The following ZNF684 variants were observed in gnomAD, a reference collection of about 807,000 sequenced individuals.
ZNF684 encodes zinc finger protein 684.
Under a neutral mutation model 12.8 loss-of-function variants are expected in ZNF684, and 13 were observed. That is an observed-to-expected ratio of 1.02 (90% CI 0.66 to 1.62). ZNF684 has a LOEUF of 1.62. Among genes scored for constraint, ZNF684 ranks in the 40% most tolerant of loss-of-function variants. The pLI, the probability that ZNF684 is intolerant of heterozygous loss-of-function variation, is 0.00. For synonymous variants in ZNF684, 118 were observed against 151.8 expected (o/e 0.78, Z 1.64); for missense variants, 384 against 446.9 (o/e 0.86, Z 1.27).
chr1:40,544,198 A>G (rs1646031569), intron 4 of ZNF684, among the ~76,000 whole-genome samples: 1 of 152,056 alleles, frequency 6.6e-6, no homozygotes, highest in Admixed American at 6.6e-5. Flanking sequence ...CAAGGCTTTT[A>G]AAAATGTTAC....
chr1:40,545,264 A>T (rs1411250743), intron 4 of ZNF684, among the ~76,000 whole-genome samples: 1 of 152,166 alleles, frequency 6.6e-6, no homozygotes, highest in Admixed American at 6.5e-5. Flanking sequence ...GGAGTATTGT[A>T]CTAACACTCC....
In ZNF684 at chr1:40,546,915, A is replaced by G. The variant is rs754282117; in HGVS notation, c.592A>G (p.Arg198Gly). 1.7e-5 allele frequency: 28 copies of G among 1,614,080 alleles called. No individual in the cohort carries two copies. The highest frequency in any genetic ancestry group is 2.2e-5 in the Non-Finnish European group (26 of 1,180,044). Reference sequence around the variant, plus strand: ...CAATGACTGTGGAAAAGCCTATAGCAGGAAGGCACACCTTGCAACTCATCA... The same window carrying G: ...CAATGACTGTGGAAAAGCCTATAGCGGGAAGGCACACCTTGCAACTCATCA... ...ECNDCGKAYSRKAHLATHQKI... is the reference protein window; with the variant it reads ...ECNDCGKAYSGKAHLATHQKI... The change falls in exon 5 of 5, where the codon AGG (arginine) becomes GGG (glycine). Residue 198 changes from arginine to glycine, a missense_variant. Physicochemically the swap from Arg to Gly is moderately radical, Grantham distance 125 (BLOSUM62 -2). Coordinates refer to ENST00000372699, the MANE Select transcript of ZNF684 (RefSeq NM_152373.4).
intron 4 of ZNF684, among the ~76,000 whole-genome samples, chr1:40,545,477 T>A (rs1325911510): frequency 1.3e-5 from 2 of 152,124 alleles, no homozygotes; most frequent in African/African-American, 4.8e-5. Context: ...TGACAGGTAT[T>A]TTTCATATAT....
chr1:40,540,803 G>T, intron 3 of ZNF684, 91 bp downstream of exon 3: 1 of 1,281,338 alleles, frequency 7.8e-7, no homozygotes, highest in Non-Finnish European at 1.0e-6. Context: ...GCCAATTGTG[G>T]TCGCTCATGC....
chr1:40,547,322 C>T lies in ZNF684; in HGVS notation c.999C>T (p.Gly333=). 6.2e-7 allele frequency: 1 copy of T among 1,614,014 alleles called. No individual in the cohort carries two copies. Among genetic ancestry groups the T allele is most frequent in the Admixed American group, 1.7e-5 (1 of 59,996 alleles). Residue 333 remains glycine (G), a synonymous_variant, in exon 5 of 5, where the codon GGC becomes GGT. Coordinates refer to ENST00000372699, the MANE Select transcript of ZNF684 (RefSeq NM_152373.4). The part of the protein sequence containing the change: ...GEKPYSCIEC[G]KAFIKKSHLL... Reference sequence around the variant, plus strand: ...AACCTTACAGTTGTATTGAATGTGGCAAAGCCTTCATCAAGAAGTCCCATC... The same window carrying T: ...AACCTTACAGTTGTATTGAATGTGGTAAAGCCTTCATCAAGAAGTCCCATC...
intron 3 of ZNF684, 100 bp from the exon 4 acceptor site, chr1:40,541,515 T>A: frequency 1.1e-6 from 1 of 897,388 alleles, no homozygotes; most frequent in African/African-American, 1.6e-5. Context: ...CTGCTTGTTA[T>A]CCTTTAAAAA....
intron 4 of ZNF684, among the ~76,000 whole-genome samples, chr1:40,545,605 C>T (rs1218382270): frequency 6.6e-6 from 1 of 152,126 alleles, no homozygotes; most frequent in Non-Finnish European, 1.5e-5. Context: ...TGTTCCTGGG[C>T]TTACAAGTAC....
Position 40,547,149 on chromosome 1 carries a change from T to A in ZNF684, c.826T>A (p.Cys276Ser). The stretch of plus-strand genomic sequence containing the variant: ...TGAGAAGTCATTTGAATGTAAGGAA[T>A]GTGGGAAAACCTTCAGGTATAGTTC... ...TLEKSFECKECGKTFRYSSSL... is the reference protein window; with the variant it reads ...TLEKSFECKESGKTFRYSSSL... Residue 276 changes from cysteine (C) to serine (S), a missense_variant, in exon 5 of 5, where the codon TGT becomes AGT. Coordinates refer to ENST00000372699, the MANE Select transcript of ZNF684 (RefSeq NM_152373.4). The A allele has an allele frequency of 6.2e-7, 1 of 1,614,234 alleles. No homozygotes were observed. The highest frequency in any genetic ancestry group is 8.5e-7 in the Non-Finnish European group (1 of 1,180,044).
In ZNF684 at chr1:40,547,352, C is replaced by A. The variant is rs759732258; in HGVS notation, c.1029C>A (p.Leu343=). The change falls in exon 5 of 5, where the codon CTC becomes CTA. Residue 343 remains leucine, a synonymous_variant. Transcript: ENST00000372699. ...CCTTCATCAAGAAGTCCCATCTCCT[C>A]AGACATCAGATAACTCATACAGGAG... ...GKAFIKKSHL[L]RHQITHTGEK... The A allele has an allele frequency of 6.2e-7, 1 of 1,613,956 alleles. No individual in the cohort carries two copies. Among genetic ancestry groups the A allele is most frequent in the Middle Eastern group, 1.6e-4 (1 of 6,062 alleles).
At chr1:40,545,915 C>CCTTTTTTTT (rs1557613390) in intron 4 of ZNF684, among the ~76,000 whole-genome samples, 2 of 67,906 alleles carry the variant, frequency 2.9e-5, no homozygotes, top group East Asian at 3.5e-4. Context: ...GTCTCCTTTT[C>CCTTTTTTTT]TTTTTTTTTT....
chr1:40,540,437 C>A, intron 2 of ZNF684, 149 bp from the exon 3 acceptor site: 1 of 815,280 alleles, frequency 1.2e-6, no homozygotes, highest in Non-Finnish European at 1.8e-6. Context: ...TATCACAAAG[C>A]ATATTTCCGA....
chr1:40,536,061 C>T (rs1481007264), intron 2 of ZNF684, among the ~76,000 whole-genome samples: 1 of 152,126 alleles, frequency 6.6e-6, no homozygotes, highest in African/African-American at 2.4e-5. Context: ...GTGCTTTTAA[C>T]ATTTATCCAT....
In ZNF684 at chr1:40,531,707, G is replaced by C. The variant is rs1216548083; in HGVS notation, c.-105G>C. The C allele has an allele frequency of 6.6e-6, 1 of 152,306 alleles. No individual in the cohort carries two copies. Among genetic ancestry groups the C allele is most frequent in the Non-Finnish European group, 1.5e-5 (1 of 68,108 alleles). 9.4% of individuals were successfully genotyped at this position (152,306 alleles called of 1,614,324 possible). A position where few individuals can be genotyped will look rare whatever the true frequency, so the allele number is the denominator to read the frequency against. On this transcript the variant is annotated 5_prime_UTR_variant, in exon 1 of 5. Coordinates refer to ENST00000372699, the MANE Select transcript of ZNF684 (RefSeq NM_152373.4). ...GCCGCGGGAAGTGCGGGCGGGTGTT[G>C]CTCCCCTGTCTCTGGACGACGCTGT...
At chr1:40,545,742 C>T (rs1006178324) in intron 4 of ZNF684, among the ~76,000 whole-genome samples, 6 of 151,812 alleles carry the variant, frequency 4.0e-5, no homozygotes, top group African/African-American at 1.5e-4. Context: ...TGATACTGTG[C>T]AGAATGATTA....
chr1:40,547,124 TGAG>T lies in ZNF684; in HGVS notation c.802_804del (p.Glu268del). 6.2e-7 allele frequency: 1 copy of T among 1,614,200 alleles called. No homozygotes were observed. ...ATCAACACGTGAAATCTCATACACT[TGAG>T]AAGTCATTTGAATGTAAGGAATGTG... On this transcript the variant is annotated inframe_deletion, in exon 5 of 5. Coordinates refer to ENST00000372699, the MANE Select transcript of ZNF684 (RefSeq NM_152373.4).
chr1:40,548,158 G>T lies in ZNF684; in HGVS notation c.*698G>T, dbSNP rs1239845923. ...ATTTAAATATGTAAATAAATAATTT[G>T]CACTTCAAATATTTCTGTTTTGCTT... On this transcript the variant is annotated 3_prime_UTR_variant, in exon 5 of 5. Transcript: ENST00000372699. 1.3e-5 allele frequency: 2 copies of T among 152,220 alleles called. No individual in the cohort carries two copies. Among genetic ancestry groups the T allele is most frequent in the Non-Finnish European group, 2.9e-5 (2 of 68,044 alleles). 9.4% of individuals were successfully genotyped at this position (152,220 alleles called of 1,614,324 possible). A position where few individuals can be genotyped will look rare whatever the true frequency, so the allele number is the denominator to read the frequency against.
intron 1 of ZNF684, 144 bp downstream of exon 1, chr1:40,531,931 G>A (rs888704325): frequency 6.6e-6 from 1 of 152,448 alleles, no homozygotes; most frequent in Non-Finnish European, 1.5e-5. Flanking sequence ...GAGTAGCTGA[G>A]AGAAAGCAAG....
rs548412893 is a variant in ZNF684, at chr1:40,532,101, G to C, written c.-25+314G>C. On this transcript the variant is annotated intron_variant, in intron 1 of 4. Transcript: ENST00000372699. Reference sequence around the variant, plus strand: ...TCCAAGAGCATAGTTGGCCCGACTGGAGCCTGCGACAATTTTAAGCCGTGT... The same window carrying C: ...TCCAAGAGCATAGTTGGCCCGACTGCAGCCTGCGACAATTTTAAGCCGTGT... Among the ~76,000 whole-genome samples, 7 of 152,256 alleles carry C rather than the reference G, an allele frequency of 4.6e-5. No individual in the cohort carries two copies. The South Asian group carries it at 8.3e-4, about 18-fold the overall frequency.
chr1:40,540,720 C>A lies in ZNF684; in HGVS notation c.142+8C>A. 1 of 1,586,520 alleles carries A rather than the reference C, an allele frequency of 6.3e-7. No individual in the cohort carries two copies. Among genetic ancestry groups the A allele is most frequent in the East Asian group, 2.3e-5 (1 of 43,792 alleles). ...GAAACCTCATCTCAGTGGGTAAGGACAATGAGTGGTAACTTTTCAGTGTAA... is the reference window on the plus strand; with the variant it reads ...GAAACCTCATCTCAGTGGGTAAGGAAAATGAGTGGTAACTTTTCAGTGTAA... On this transcript the variant is annotated splice_region_variant and intron_variant, in intron 3 of 4. Transcript: ENST00000372699.
Sources: allele counts gnomAD v4.1 joint callset (sites outside exome capture counted in the v4.1 genomes callset), GRCh38; gene constraint gnomAD v4.1.1; transcripts MANE v1.5; gene names NCBI Gene and HGNC (gene_info 2026-07-23, HGNC 2026-07-21).